The following FSIP1 variants were observed in gnomAD, a reference collection of about 807,000 sequenced individuals.
FSIP1 encodes the protein fibrous sheath interacting protein 1, also known as fibrous sheath-interacting protein 1.
FSIP1 carries 65 observed loss-of-function variants against 60.9 expected under a neutral mutation model. That is an observed-to-expected ratio of 1.07 (90% CI 0.87 to 1.31). The LOEUF is 1.31. Ranked by LOEUF, FSIP1 falls within the 40% of genes most tolerant of loss-of-function variation. FSIP1 has a pLI of 0.00. For missense variants in FSIP1, 675 were observed against 665.5 expected, an observed-to-expected ratio of 1.01 and a Z score of -0.16; for synonymous variants, 209 against 221.2, an observed-to-expected ratio of 0.94 and a Z score of 0.49.
chr15:39,742,501 CTG>C (rs552038763), intron 5 of FSIP1, among the ~76,000 whole-genome samples: 118 of 152,318 alleles, frequency 7.7e-4, no homozygotes, highest in African/African-American at 2.7e-3. Context: ...AATTCGGACA[CTG>C]TATATTTGCA....
At chr15:39,616,677 T>C (rs1321139985) in intron 11 of FSIP1, among the ~76,000 whole-genome samples, 2 of 152,226 alleles carry the variant, frequency 1.3e-5, no homozygotes, top group African/African-American at 4.8e-5. Flanking sequence ...GGTCAGATCA[T>C]GGAGACACTG....
At position 39,618,071 on chromosome 15, in the gene FSIP1, C is replaced by A; in HGVS notation, c.1363G>T (p.Glu455Ter). 2 of 1,614,150 alleles carry A rather than the reference C, an allele frequency of 1.2e-6. No individual in the cohort carries two copies. The highest frequency in any genetic ancestry group is 3.3e-5 in the Admixed American group (2 of 60,024). Residue 455 changes from glutamate (E) to a stop codon, truncating the protein, a stop_gained, in exon 11 of 12, where the codon GAA (glutamate) becomes TAA (stop). Transcript: ENST00000350221. LOFTEE classifies it high-confidence loss of function. ...SRSIISKLLN[E>*]SETKVQKTEV... ...GTTTTCTGGACCTTTGTTTCTGATT[C>A]ATTTAGCAATTTAGAGATGATGGAC...
intron 8 of FSIP1, among the ~76,000 whole-genome samples, chr15:39,735,008 A>T (rs1282979480): frequency 6.6e-6 from 1 of 152,232 alleles, no homozygotes; most frequent in Non-Finnish European, 1.5e-5. Flanking sequence ...TTATGAAAGC[A>T]TTCCTAGAAT....
intron 1 of FSIP1, among the ~76,000 whole-genome samples, chr15:39,778,843 T>C (rs1566924528): frequency 1.3e-5 from 2 of 152,072 alleles, no homozygotes; most frequent in Admixed American, 6.5e-5. Context: ...AAACTAATTT[T>C]ATAAGTAATA....
At chr15:39,733,627 A>C (rs992095832) in intron 8 of FSIP1, among the ~76,000 whole-genome samples, 2 of 152,170 alleles carry the variant, frequency 1.3e-5, no homozygotes, top group Non-Finnish European at 2.9e-5. Context: ...AACATACTGA[A>C]CAAATGGCTA....
At chr15:39,641,845 C>A (rs533695114) in intron 10 of FSIP1, among the ~76,000 whole-genome samples, 222 of 152,264 alleles carry the variant, frequency 1.5e-3, no homozygotes, top group Admixed American at 3.9e-3. Flanking sequence ...AACACCAGAG[C>A]TCTAAACAGA....
chr15:39,629,687 G>C (rs1325682885), intron 10 of FSIP1, among the ~76,000 whole-genome samples: 1 of 152,210 alleles, frequency 6.6e-6, no homozygotes, highest in Non-Finnish European at 1.5e-5. Flanking sequence ...AGCAATCTAG[G>C]TCAATGTACA....
chr15:39,734,434 G>A (rs1896534186), intron 8 of FSIP1, among the ~76,000 whole-genome samples: 1 of 152,082 alleles, frequency 6.6e-6, no homozygotes, highest in Non-Finnish European at 1.5e-5. Context: ...GAAGCATACT[G>A]TTTTTAAAGG....
At chr15:39,609,121 C>A (rs534559948) in intron 11 of FSIP1, among the ~76,000 whole-genome samples, 12 of 152,338 alleles carry the variant, frequency 7.9e-5, no homozygotes, top group African/African-American at 2.9e-4. Flanking sequence ...AGGGCTAGAC[C>A]ACCTAGGATC....
intron 1 of FSIP1, 184 bp downstream of exon 1, chr15:39,782,444 C>G (rs1279784637): frequency 1.3e-5 from 2 of 152,540 alleles, no homozygotes; most frequent in African/African-American, 4.8e-5. Flanking sequence ...GAAATAGCCT[C>G]CGCGGAGGCA....
Position 39,637,300 on chromosome 15 carries a change from C to A in FSIP1, c.1189-19055G>T, listed in dbSNP as rs147858054. ...CAAAACTAAGACTGGCTGCTTTAAG[C>A]AGAAACTGAATTAATTGAAACGATG... On this transcript the variant is annotated intron_variant, in intron 10 of 11. Transcript: ENST00000350221. 5.1e-3 allele frequency among the ~76,000 whole-genome samples: 773 copies of A among 152,244 alleles called. 9 individuals are homozygous for A. The highest frequency in any genetic ancestry group is 0.017 in the African/African-American group (721 of 41,532).
intron 6 of FSIP1, among the ~76,000 whole-genome samples, chr15:39,740,082 C>T (rs1896754224): frequency 6.6e-6 from 1 of 152,152 alleles, no homozygotes; most frequent in Non-Finnish European, 1.5e-5. Flanking sequence ...AATAGAACTT[C>T]AAGACAGACA....
intron 8 of FSIP1, among the ~76,000 whole-genome samples, chr15:39,736,664 C>CA (rs1184530319): frequency 6.6e-6 from 1 of 151,796 alleles, no homozygotes; most frequent in Non-Finnish European, 1.5e-5. Context: ...AGACTTATAG[C>CA]AAAAAAAACT....
intron 10 of FSIP1, among the ~76,000 whole-genome samples, chr15:39,636,835 C>A (rs183155922): frequency 6.6e-6 from 1 of 152,308 alleles, no homozygotes; most frequent in East Asian, 1.9e-4. Flanking sequence ...AAAAGAGATT[C>A]TTTTAGTGTA....
At chr15:39,688,495 G>A (rs1053800206) in intron 10 of FSIP1, among the ~76,000 whole-genome samples, 3 of 152,158 alleles carry the variant, frequency 2.0e-5, no homozygotes, top group East Asian at 3.8e-4. Context: ...ATAGGTATTC[G>A]AGTTAAGGTT....
intron 10 of FSIP1, among the ~76,000 whole-genome samples, chr15:39,677,904 G>A (rs1013089253): frequency 6.6e-6 from 1 of 151,976 alleles, no homozygotes; most frequent in South Asian, 2.1e-4. Context: ...GCTGAGGCAG[G>A]AGAATCACTT....
At chr15:39,696,910 G>T (rs1263498377) in intron 10 of FSIP1, among the ~76,000 whole-genome samples, 1 of 111,444 alleles carries the variant, frequency 9.0e-6, no homozygotes, top group African/African-American at 3.1e-5. Context: ...GTGTGTGTGT[G>T]TGTGTGTGTG....
chr15:39,619,554 A>T (rs1240011493), intron 10 of FSIP1, among the ~76,000 whole-genome samples: 1 of 152,202 alleles, frequency 6.6e-6, no homozygotes, highest in Admixed American at 6.5e-5. Context: ...TAGGATTAGA[A>T]TTATGTATTA....
At chr15:39,667,669 G>A (rs946713313) in intron 10 of FSIP1, among the ~76,000 whole-genome samples, 4 of 152,156 alleles carry the variant, frequency 2.6e-5, no homozygotes, top group African/African-American at 9.7e-5. Flanking sequence ...GTCTTAGCGG[G>A]AGAGTGAGAG....
Sources: allele counts gnomAD v4.1 joint callset (sites outside exome capture counted in the v4.1 genomes callset), GRCh38; gene constraint gnomAD v4.1.1; transcripts MANE v1.5; gene names NCBI Gene and HGNC (gene_info 2026-07-23, HGNC 2026-07-21).